Variants in DOCK7 observed in about 807,000 individuals in gnomAD.
The protein encoded by DOCK7 is dedicator of cytokinesis 7, also known as dedicator of cytokinesis protein 7.
A neutral mutation model predicts 271.0 loss-of-function variants in DOCK7; 138 were observed. That is an observed-to-expected ratio of 0.51 (90% CI 0.44 to 0.59). The LOEUF (loss-of-function observed/expected upper bound fraction) is 0.59, where lower values mean the gene tolerates loss of function less well. DOCK7 is among the 20% of genes least tolerant of loss of function. The pLI is 0.00. For synonymous variants in DOCK7, 823 were observed against 876.1 expected (o/e 0.94, Z 1.07); for missense variants, 2,066 against 2,592.4 (o/e 0.80, Z 4.41).
intron 1 of DOCK7, among the ~76,000 whole-genome samples, chr1:62,669,931 G>A (rs573657563): frequency 2.0e-5 from 3 of 152,376 alleles, no homozygotes; most frequent in South Asian, 4.1e-4. Flanking sequence ...CGGCACTTGC[G>A]GGCCAGCTGG....
At chr1:62,460,520 A>G (rs1028439615) in intron 48 of DOCK7, among the ~76,000 whole-genome samples, 25 of 152,284 alleles carry the variant, frequency 1.6e-4, no homozygotes, top group African/African-American at 5.3e-4. Flanking sequence ...TTTATATAAC[A>G]TATTAAACTT....
intron 2 of DOCK7, among the ~76,000 whole-genome samples, chr1:62,654,672 AAAAAAAT>A (rs1474615550): frequency 2.6e-5 from 4 of 152,180 alleles, no homozygotes; most frequent in Non-Finnish European, 5.9e-5. Context: ...CCTTATATGG[AAAAAAAT>A]AAAAAATAAA....
intron 16 of DOCK7, among the ~76,000 whole-genome samples, chr1:62,580,447 T>C (rs995253666): frequency 1.3e-5 from 2 of 152,124 alleles, no homozygotes; most frequent in African/African-American, 2.4e-5. Flanking sequence ...AGAACAAAAA[T>C]AAAGACCTAG....
intron 2 of DOCK7, 123 bp from the exon 3 acceptor site, chr1:62,654,282 TCA>T (rs1657724601): frequency 7.5e-6 from 7 of 934,022 alleles, no homozygotes; most frequent in Non-Finnish European, 1.1e-5. Context: ...TCTAAAATTT[TCA>T]CAGATATTCA....
chr1:62,672,447 A>G (rs1384434679), intron 1 of DOCK7, among the ~76,000 whole-genome samples: 2 of 152,154 alleles, frequency 1.3e-5, no homozygotes, highest in African/African-American at 4.8e-5. Context: ...AGAGTTTCAC[A>G]TAACTGATAA....
At chr1:62,639,281 A>G (rs1655677262) in intron 7 of DOCK7, among the ~76,000 whole-genome samples, 1 of 152,140 alleles carries the variant, frequency 6.6e-6, no homozygotes, top group Non-Finnish European at 1.5e-5. Context: ...ACTTATTCAG[A>G]AAATTAGAGG....
intron 31 of DOCK7, among the ~76,000 whole-genome samples, chr1:62,521,549 C>G (rs1469564300): frequency 6.6e-6 from 1 of 152,128 alleles, no homozygotes; most frequent in Non-Finnish European, 1.5e-5. Flanking sequence ...GTACAAAAAT[C>G]TAGCCGTAGA....
chr1:62,546,310 G>A (rs1006373609), intron 22 of DOCK7, among the ~76,000 whole-genome samples: 4 of 151,972 alleles, frequency 2.6e-5, no homozygotes, highest in Admixed American at 1.3e-4. Context: ...AAGAAAAACC[G>A]CAACCCTCAA....
chr1:62,503,172 T>C (rs1268398939), intron 37 of DOCK7, among the ~76,000 whole-genome samples: 1 of 151,866 alleles, frequency 6.6e-6, no homozygotes, highest in Non-Finnish European at 1.5e-5. Context: ...AACACAGTAA[T>C]AGGCTTTAAT....
intron 8 of DOCK7, chr1:62,635,628 T>A (rs963501917): frequency 3.9e-5 from 6 of 151,976 alleles, no homozygotes; most frequent in Non-Finnish European, 7.4e-5. Context: ...AATTTATGAA[T>A]AATATCCCAG....
chr1:62,676,402 A>G (rs1660553557), intron 1 of DOCK7, among the ~76,000 whole-genome samples: 1 of 152,222 alleles, frequency 6.6e-6, no homozygotes, highest in Non-Finnish European at 1.5e-5. Flanking sequence ...AAACTGGCAC[A>G]AGGAATTTTT....
intron 18 of DOCK7, among the ~76,000 whole-genome samples, chr1:62,571,023 A>C (rs1646757230): frequency 6.6e-6 from 1 of 152,210 alleles, no homozygotes; most frequent in Non-Finnish European, 1.5e-5. Flanking sequence ...AAACATCAAA[A>C]GCAATTCCAA....
chr1:62,640,676 C>T (rs1449823266), intron 7 of DOCK7, among the ~76,000 whole-genome samples: 2 of 152,092 alleles, frequency 1.3e-5, no homozygotes, highest in African/African-American at 2.4e-5. Context: ...CTATAAATAC[C>T]CTTTGTACAA....
intron 48 of DOCK7, among the ~76,000 whole-genome samples, chr1:62,468,703 C>T (rs1645749491): frequency 6.6e-6 from 1 of 152,044 alleles, no homozygotes; most frequent in Admixed American, 6.6e-5. Flanking sequence ...CTGATAAATA[C>T]ATTCAGCAAA....
intron 31 of DOCK7, among the ~76,000 whole-genome samples, chr1:62,519,614 T>C (rs1184918470): frequency 1.3e-5 from 2 of 152,078 alleles, no homozygotes; most frequent in African/African-American, 4.8e-5. Flanking sequence ...GCTCACAATT[T>C]AGAAGTCACA....
chr1:62,685,847 C>T (rs1476286527), intron 1 of DOCK7, among the ~76,000 whole-genome samples: 2 of 152,186 alleles, frequency 1.3e-5, no homozygotes, highest in East Asian at 3.8e-4. Flanking sequence ...CTTGCATGTC[C>T]AATCACCAAT....
chr1:62,682,583 A>C (rs1256526815), intron 1 of DOCK7, among the ~76,000 whole-genome samples: 2 of 152,222 alleles, frequency 1.3e-5, no homozygotes, highest in East Asian at 3.8e-4. Flanking sequence ...GTGATGAAGA[A>C]AAGAAAAAAG....
intron 4 of DOCK7, among the ~76,000 whole-genome samples, chr1:62,650,240 T>C (rs536329002): frequency 6.6e-6 from 1 of 152,300 alleles, no homozygotes; most frequent in Non-Finnish European, 1.5e-5. Flanking sequence ...GACAATCTCA[T>C]CTCCCACTAG....
intron 7 of DOCK7, among the ~76,000 whole-genome samples, chr1:62,643,485 C>T (rs1656282645): frequency 6.6e-6 from 1 of 152,316 alleles, no homozygotes; most frequent in South Asian, 2.1e-4. Context: ...GATAAATCAG[C>T]TGTTAGGCTA....
Sources: allele counts gnomAD v4.1 joint callset (sites outside exome capture counted in the v4.1 genomes callset), GRCh38; gene constraint gnomAD v4.1.1; transcripts MANE v1.5; gene names NCBI Gene and HGNC (gene_info 2026-07-23, HGNC 2026-07-21).